VPS13C: variants seen among roughly 807,000 people sequenced by gnomAD.
VPS13C encodes intermembrane lipid transfer protein VPS13C.
In VPS13C, 358 loss-of-function variants were observed where a neutral mutation model predicts 456.8. That is an observed-to-expected ratio of 0.78 (90% confidence interval 0.72 to 0.86). VPS13C has a LOEUF of 0.86. Among genes scored for constraint, VPS13C ranks in the 40% least tolerant of loss-of-function variants. VPS13C has a pLI of 0.00. For missense variants in VPS13C, 4,818 were observed against 4,385.4 expected, an observed-to-expected ratio of 1.10 and a Z score of -2.79; for synonymous variants, 1,578 against 1,486.7, an observed-to-expected ratio of 1.06 and a Z score of -1.41.
chr15:61,925,109 AAAGT>A (rs1217053133), intron 53 of VPS13C, among the ~76,000 whole-genome samples: 1 of 152,164 alleles, frequency 6.6e-6, no homozygotes. Flanking sequence ...TATTACAAAT[AAAGT>A]AATAACAACC....
chr15:62,014,292 A>C (rs570752906), intron 9 of VPS13C, among the ~76,000 whole-genome samples: 1 of 152,262 alleles, frequency 6.6e-6, no homozygotes, highest in Non-Finnish European at 1.5e-5. Flanking sequence ...CCTATACACT[A>C]TTGAATATGG....
intron 1 of VPS13C, among the ~76,000 whole-genome samples, chr15:62,048,349 T>C (rs912321583): frequency 6.9e-5 from 10 of 145,426 alleles, no homozygotes; most frequent in Admixed American, 2.1e-4. Context: ...TGAGAACATG[T>C]GGTGTTTGGT....
At chr15:61,931,743 AT>A (rs886538507) in intron 49 of VPS13C, among the ~76,000 whole-genome samples, 1,648 of 148,452 alleles carry the variant, frequency 0.011, 40 homozygotes, top group African/African-American at 0.039. Flanking sequence ...TGCCCGGCTA[AT>A]TTTTTTTTTG....
chr15:62,011,580 A>G (rs2047037929), intron 12 of VPS13C, among the ~76,000 whole-genome samples: 1 of 152,046 alleles, frequency 6.6e-6, no homozygotes, highest in Non-Finnish European at 1.5e-5. Context: ...CTTCATTACC[A>G]TGAAACTGAA....
intron 18 of VPS13C, 44 bp downstream of exon 18, chr15:61,990,956 T>C (rs780895518): frequency 1.5e-6 from 2 of 1,312,676 alleles, no homozygotes; most frequent in Non-Finnish European, 2.2e-6. Flanking sequence ...CAATCTAATA[T>C]AGTACAATGA....
intron 51 of VPS13C, among the ~76,000 whole-genome samples, chr15:61,928,058 G>T (rs2043924974): frequency 6.8e-6 from 1 of 147,496 alleles, no homozygotes; most frequent in Admixed American, 6.8e-5. Context: ...TGGGGGAGGG[G>T]GGAGGGATAG....
intron 79 of VPS13C, among the ~76,000 whole-genome samples, chr15:61,869,862 G>A (rs1478163347): frequency 6.6e-6 from 1 of 152,074 alleles, no homozygotes; most frequent in East Asian, 1.9e-4. Context: ...CTGGGGGCGG[G>A]GCCAGCATTT....
At chr15:61,944,138 A>G (rs188675747) in intron 45 of VPS13C, among the ~76,000 whole-genome samples, 169 of 152,306 alleles carry the variant, frequency 1.1e-3, no homozygotes, top group African/African-American at 3.9e-3. Context: ...GTCAATAAAT[A>G]ACAGATGCTA....
intron 38 of VPS13C, 66 bp from the exon 39 acceptor site, chr15:61,952,046 T>C (rs2044816976): frequency 6.5e-7 from 1 of 1,537,860 alleles, no homozygotes; most frequent in Non-Finnish European, 8.8e-7. Flanking sequence ...AAGTCAAGAA[T>C]TTAATAAGTA....
At chr15:61,967,990 G>A (rs555436427) in intron 28 of VPS13C, among the ~76,000 whole-genome samples, 2 of 151,948 alleles carry the variant, frequency 1.3e-5, no homozygotes, top group African/African-American at 4.8e-5. Flanking sequence ...GCTTCTGAGA[G>A]AGCTTAAAAT....
At chr15:61,944,457 A>G (rs2044538072) in intron 45 of VPS13C, among the ~76,000 whole-genome samples, 1 of 152,210 alleles carries the variant, frequency 6.6e-6, no homozygotes, top group African/African-American at 2.4e-5. Context: ...ACAGTCATAA[A>G]AAAAGAATGA....
chr15:62,037,183 A>G (rs12916052), intron 3 of VPS13C, among the ~76,000 whole-genome samples: 41,001 of 115,296 alleles, frequency 0.36, 8,373 homozygotes, highest in Admixed American at 0.51. Context: ...CATAATATAA[A>G]TATAAATATA....
At chr15:62,038,404 C>A (rs2048133336) in intron 3 of VPS13C, among the ~76,000 whole-genome samples, 1 of 151,960 alleles carries the variant, frequency 6.6e-6, no homozygotes, top group Non-Finnish European at 1.5e-5. Flanking sequence ...GCATGGGCAA[C>A]ATGATGAAAC....
intron 15 of VPS13C, among the ~76,000 whole-genome samples, chr15:62,002,081 G>C (rs995038429): frequency 2.2e-4 from 34 of 152,282 alleles, no homozygotes; most frequent in Non-Finnish European, 4.7e-4. Flanking sequence ...CTAGTTCCCT[G>C]AGGAATCCCC....
Position 62,008,860 on chromosome 15 carries a change from C to T in VPS13C, c.1012-99G>A, listed in dbSNP as rs995277257. On this transcript the variant is annotated intron_variant, in intron 13 of 84. Coordinates refer to ENST00000644861, the MANE Select transcript of VPS13C (RefSeq NM_020821.3). ...TTAGGCTAGTGAGACTCCAAATACC[C>T]TGAACAATGTTGCCTGGTAGTCCAA... is the stretch of plus-strand genomic sequence containing the variant. The T allele has an allele frequency of 3.8e-5, 22 of 583,964 alleles. 1 individual carries two copies. The Admixed American group carries it at 5.3e-4, about 14-fold the overall frequency. The allele number at this position is 583,964 out of a possible 1,614,324, so 36.2% of individuals were successfully genotyped here. A position where few individuals can be genotyped will look rare whatever the true frequency, so the allele number is the denominator to read the frequency against.
intron 32 of VPS13C, among the ~76,000 whole-genome samples, chr15:61,963,183 G>C (rs1376984527): frequency 6.6e-6 from 1 of 151,996 alleles, no homozygotes; most frequent in African/African-American, 2.4e-5. Flanking sequence ...ATCAAATTCA[G>C]ACTAGTAGAT....
At chr15:61,976,327 T>C (rs748511038) in intron 24 of VPS13C, among the ~76,000 whole-genome samples, 18 of 152,150 alleles carry the variant, frequency 1.2e-4, no homozygotes, top group Non-Finnish European at 2.4e-4. Context: ...AATAAACTGA[T>C]ACATACAACA....
At position 61,868,872 on chromosome 15, in the gene VPS13C, C is replaced by G. The variant is rs151003807; in HGVS notation, c.10749-99G>C. On this transcript the variant is annotated intron_variant, in intron 80 of 84. Transcript: ENST00000644861. ...ACATAAATATTTCACAAAAAACAATCAGTAATTTTAAATAGCTTTCCCCAA... is the reference window on the plus strand; with the variant it reads ...ACATAAATATTTCACAAAAAACAATGAGTAATTTTAAATAGCTTTCCCCAA... 6.6e-4 allele frequency: 665 copies of G among 1,005,828 alleles called. 7 individuals carry two copies. The African/African-American group carries it at 0.01, about 16-fold the overall frequency. The allele number at this position is 1,005,828 out of a possible 1,614,324, so 62.3% of individuals were successfully genotyped here. A position where few individuals can be genotyped will look rare whatever the true frequency, so the allele number is the denominator to read the frequency against.
intron 75 of VPS13C, 30 bp downstream of exon 75, chr15:61,876,943 T>G: frequency 6.6e-7 from 1 of 1,508,902 alleles, no homozygotes; most frequent in Non-Finnish European, 9.1e-7. Context: ...TGAAGTATAT[T>G]CCTTATGAAA....
Sources: allele counts gnomAD v4.1 joint callset (sites outside exome capture counted in the v4.1 genomes callset), GRCh38; gene constraint gnomAD v4.1.1; transcripts MANE v1.5; gene names NCBI Gene and HGNC (gene_info 2026-07-23, HGNC 2026-07-21).